The following PSMA1 variants were observed in gnomAD, a reference collection of about 807,000 sequenced individuals.
The protein encoded by PSMA1 is proteasome subunit alpha type-1.
A neutral mutation model predicts 38.4 loss-of-function variants in PSMA1; 3 were observed. The observed-to-expected ratio is 0.08, with a 90% CI of 0.04 to 0.20. PSMA1 has a LOEUF of 0.20. Ranked by LOEUF, PSMA1 falls within the 10% of genes least tolerant of loss-of-function variation. The pLI, the probability that PSMA1 is intolerant of heterozygous loss-of-function variation, is 1.00. For synonymous variants in PSMA1, 101 were observed against 107.1 expected (o/e 0.94, Z 0.35); for missense variants, 227 against 325.3 (o/e 0.70, Z 2.32).
At chr11:14,633,944 C>T (rs1275318551) in intron 1 of PSMA1, among the ~76,000 whole-genome samples, 3 of 152,194 alleles carry the variant, frequency 2.0e-5, no homozygotes, top group African/African-American at 7.2e-5. Context: ...AGAAAGGGAA[C>T]TCCCTGACCC....
chr11:14,626,557 G>A (rs905545529), intron 1 of PSMA1, among the ~76,000 whole-genome samples: 1 of 152,154 alleles, frequency 6.6e-6, no homozygotes. Flanking sequence ...CATGAAGTGT[G>A]TGATGTCTGA....
intron 1 of PSMA1, among the ~76,000 whole-genome samples, chr11:14,631,885 T>C (rs1327644587): frequency 6.7e-6 from 1 of 148,780 alleles, no homozygotes; most frequent in Non-Finnish European, 1.5e-5. Context: ...GATAGTTAGC[T>C]CTTCTTGTTG....
intron 1 of PSMA1, among the ~76,000 whole-genome samples, chr11:14,633,889 T>C (rs2133722647): frequency 6.6e-6 from 1 of 152,088 alleles, no homozygotes; most frequent in South Asian, 2.1e-4. Flanking sequence ...AGGGTGGGAG[T>C]GACCCGATTT....
chr11:14,514,112 C>G, intron 5 of PSMA1: 2 of 1,319,716 alleles, frequency 1.5e-6, no homozygotes, highest in Non-Finnish European at 1.9e-6. Context: ...CATCTAAAAC[C>G]TGATTTGTTT....
chr11:14,541,865 C>T (rs1423912240), intron 2 of PSMA1, among the ~76,000 whole-genome samples: 1 of 152,186 alleles, frequency 6.6e-6, no homozygotes. Flanking sequence ...TGCAGATATC[C>T]TATAGTCTTT....
intron 2 of PSMA1, among the ~76,000 whole-genome samples, chr11:14,592,389 TA>T (rs1852432163): frequency 6.9e-6 from 1 of 144,042 alleles, no homozygotes; most frequent in South Asian, 2.2e-4. Flanking sequence ...TATATATATA[TA>T]TATATTTTTT....
intron 2 of PSMA1, among the ~76,000 whole-genome samples, chr11:14,590,810 A>G (rs1852404621): frequency 6.6e-6 from 1 of 152,216 alleles, no homozygotes; most frequent in Non-Finnish European, 1.5e-5. Flanking sequence ...GGACGAGGCC[A>G]TACTTCACAT....
intron 2 of PSMA1, among the ~76,000 whole-genome samples, chr11:14,606,835 A>T (rs1418929135): frequency 6.6e-6 from 1 of 152,236 alleles, no homozygotes; most frequent in African/African-American, 2.4e-5. Context: ...GGAAAAAATA[A>T]ATAGCAGTCA....
At chr11:14,593,638 GAGAGAGA>G (rs1852449035) in intron 2 of PSMA1, among the ~76,000 whole-genome samples, 1 of 151,280 alleles carries the variant, frequency 6.6e-6, no homozygotes, top group South Asian at 2.1e-4. Flanking sequence ...GAGAGAGAGA[GAGAGAGA>G]GAGAGAGAGA....
chr11:14,550,501 T>C (rs1851874169), intron 2 of PSMA1, among the ~76,000 whole-genome samples: 2 of 152,300 alleles, frequency 1.3e-5, no homozygotes, highest in South Asian at 4.1e-4. Flanking sequence ...TTGCCTGGTA[T>C]TTTTTCTTGG....
chr11:14,595,003 G>T (rs1177554637), intron 2 of PSMA1, among the ~76,000 whole-genome samples: 2 of 149,834 alleles, frequency 1.3e-5, no homozygotes, highest in Non-Finnish European at 3.0e-5. Context: ...GTGAGAACAC[G>T]CACTGTTTGA....
chr11:14,637,385 T>C (rs1013481541), intron 1 of PSMA1, among the ~76,000 whole-genome samples: 5 of 152,246 alleles, frequency 3.3e-5, no homozygotes, highest in Non-Finnish European at 7.3e-5. Flanking sequence ...AGAACTCTGT[T>C]AGAGCATTTT....
chr11:14,516,776 A>G (rs996394520), intron 4 of PSMA1, among the ~76,000 whole-genome samples: 1 of 152,122 alleles, frequency 6.6e-6, no homozygotes, highest in Non-Finnish European at 1.5e-5. Context: ...AAATACAAAA[A>G]TTAGCCAGGC....
intron 1 of PSMA1, among the ~76,000 whole-genome samples, chr11:14,631,277 T>C (rs1350810120): frequency 1.3e-5 from 2 of 152,242 alleles, no homozygotes; most frequent in African/African-American, 2.4e-5. Context: ...ATTTTCGATA[T>C]TTCCTGCTTT....
intron 2 of PSMA1, among the ~76,000 whole-genome samples, chr11:14,531,666 C>T (rs529484912): frequency 3.9e-4 from 60 of 152,134 alleles, no homozygotes; most frequent in Non-Finnish European, 5.7e-4. Flanking sequence ...TGCCATGTTG[C>T]CCAAGCTGGT....
chr11:14,588,964 G>A (rs971621969), intron 2 of PSMA1, among the ~76,000 whole-genome samples: 6 of 152,038 alleles, frequency 3.9e-5, no homozygotes, highest in Non-Finnish European at 8.8e-5. Context: ...ACATCTTCTG[G>A]CACTTCACTT....
Position 14,569,587 on chromosome 11 carries a change from A to T in PSMA1, c.21+41379T>A, listed in dbSNP as rs2134177209. On this transcript the variant is annotated intron_variant, in intron 2 of 10. Transcript: ENST00000418988. The stretch of plus-strand genomic sequence containing the variant: ...TCCCACGCCTGGCTCAGGGGGTCCC[A>T]CACCCACGGAGCCTCACTCACTGCT... 1.3e-5 allele frequency among the ~76,000 whole-genome samples: 2 copies of T among 152,328 alleles called. 1 individual carries two copies. Among genetic ancestry groups the T allele is most frequent in the South Asian group, 4.1e-4 (2 of 4,822 alleles).
intron 2 of PSMA1, among the ~76,000 whole-genome samples, chr11:14,608,865 A>G (rs570363600): frequency 6.6e-6 from 1 of 152,102 alleles, no homozygotes; most frequent in South Asian, 2.1e-4. Context: ...TTAAGTCTAA[A>G]TAAGTTAAAA....
At chr11:14,542,245 C>T (rs1851780789) in intron 2 of PSMA1, among the ~76,000 whole-genome samples, 1 of 151,990 alleles carries the variant, frequency 6.6e-6, no homozygotes, top group South Asian at 2.1e-4. Context: ...GATTTTTGTT[C>T]CCCTTTCATG....
Sources: gnomAD v4.1 joint callset for allele counts (sites outside exome capture counted in the v4.1 genomes callset) on GRCh38, gnomAD v4.1.1 for gene constraint, MANE v1.5 for transcripts, NCBI Gene and HGNC (gene_info 2026-07-23, HGNC 2026-07-21) for gene names.